TTC7B: variants seen among roughly 807,000 people sequenced by gnomAD.
The protein encoded by TTC7B is tetratricopeptide repeat protein 7B.
A neutral mutation model predicts 106.8 loss-of-function variants in TTC7B; 28 were observed. That is an observed-to-expected ratio of 0.26 (90% CI 0.19 to 0.36). TTC7B has a LOEUF of 0.36. Among genes scored for constraint, TTC7B ranks in the 10% least tolerant of loss-of-function variants. TTC7B has a pLI of 1.00. For missense variants in TTC7B, 862 were observed against 1,076.4 expected (o/e 0.80, Z 2.79); for synonymous variants, 405 against 430.6 (o/e 0.94, Z 0.74).
At chr14:90,639,905 C>T (rs1044325254) in intron 15 of TTC7B, among the ~76,000 whole-genome samples, 6 of 152,180 alleles carry the variant, frequency 3.9e-5, no homozygotes, top group African/African-American at 1.4e-4. Context: ...AAGCAATGAA[C>T]GCAAGCAGCA....
intron 9 of TTC7B, among the ~76,000 whole-genome samples, chr14:90,673,307 T>G (rs78216486): frequency 1.0e-3 from 158 of 152,370 alleles, no homozygotes; most frequent in Non-Finnish European, 1.8e-3. Flanking sequence ...GCACTTTTCT[T>G]TCCTTTTCCA....
intron 4 of TTC7B, among the ~76,000 whole-genome samples, chr14:90,733,769 C>T (rs939942170): frequency 6.6e-6 from 1 of 152,212 alleles, no homozygotes; most frequent in African/African-American, 2.4e-5. Flanking sequence ...TGACACTGCT[C>T]ACCCACCATT....
At chr14:90,796,186 G>A (rs949232655) in intron 1 of TTC7B, among the ~76,000 whole-genome samples, 6 of 152,176 alleles carry the variant, frequency 3.9e-5, no homozygotes, top group African/African-American at 2.4e-5. Context: ...GGATGGTTTT[G>A]AAGTCCCTCT....
intron 19 of TTC7B, among the ~76,000 whole-genome samples, chr14:90,544,619 C>T (rs1306297341): frequency 1.3e-5 from 2 of 152,186 alleles, no homozygotes; most frequent in South Asian, 2.1e-4. Context: ...CAGTAGGACG[C>T]GAGGCTGAAT....
intron 1 of TTC7B, among the ~76,000 whole-genome samples, chr14:90,801,858 C>A (rs538932083): frequency 2.0e-5 from 3 of 152,116 alleles, no homozygotes; most frequent in Non-Finnish European, 4.4e-5. Context: ...GTCAGGAGTT[C>A]GAGACCAGCC....
intron 17 of TTC7B, 148 bp downstream of exon 17, chr14:90,610,594 G>C: frequency 1.6e-6 from 1 of 644,890 alleles, no homozygotes; most frequent in Non-Finnish European, 2.8e-6. Flanking sequence ...AAAGACACTG[G>C]AGCAATGCAC....
At chr14:90,591,653 T>A (rs1891963104) in intron 18 of TTC7B, among the ~76,000 whole-genome samples, 1 of 152,180 alleles carries the variant, frequency 6.6e-6, no homozygotes, top group South Asian at 2.1e-4. Flanking sequence ...CTCCAGCTCT[T>A]CAGAAACCCA....
At chr14:90,716,440 G>A (rs549493582) in intron 5 of TTC7B, among the ~76,000 whole-genome samples, 25 of 152,176 alleles carry the variant, frequency 1.6e-4, no homozygotes, top group Non-Finnish European at 3.4e-4. Flanking sequence ...TCGAAGTGTG[G>A]CTAAAGTTTG....
At chr14:90,648,095 G>A (rs533828256) in intron 13 of TTC7B, among the ~76,000 whole-genome samples, 9 of 152,254 alleles carry the variant, frequency 5.9e-5, no homozygotes, top group African/African-American at 2.2e-4. Context: ...CCAGGTGTTT[G>A]CCATCCAGAA....
intron 17 of TTC7B, among the ~76,000 whole-genome samples, chr14:90,603,636 C>T (rs1892520212): frequency 6.6e-6 from 1 of 152,170 alleles, no homozygotes; most frequent in East Asian, 1.9e-4. Flanking sequence ...TGGGTCTTTC[C>T]ACACATTAAC....
chr14:90,589,696 G>T (rs1891872636), intron 18 of TTC7B, among the ~76,000 whole-genome samples: 1 of 152,122 alleles, frequency 6.6e-6, no homozygotes, highest in Non-Finnish European at 1.5e-5. Context: ...ACCACATAAG[G>T]TAAAACCCGA....
intron 1 of TTC7B, among the ~76,000 whole-genome samples, chr14:90,809,964 G>T (rs1335221779): frequency 6.6e-6 from 1 of 152,172 alleles, no homozygotes; most frequent in African/African-American, 2.4e-5. Context: ...TAGGTATTTT[G>T]GTTTTTTCTT....
intron 17 of TTC7B, among the ~76,000 whole-genome samples, chr14:90,595,038 T>C (rs1000008122): frequency 6.6e-6 from 1 of 152,142 alleles, no homozygotes; most frequent in Non-Finnish European, 1.5e-5. Flanking sequence ...GAGGCTGAGT[T>C]AAAAGAGTCT....
chr14:90,648,989 C>T (rs1885596870), intron 13 of TTC7B: 2 of 152,314 alleles, frequency 1.3e-5, no homozygotes, highest in Admixed American at 6.5e-5. Context: ...AACTGAAAAG[C>T]TGGCAATGAT....
chr14:90,789,148 C>A (rs557893906), intron 1 of TTC7B, among the ~76,000 whole-genome samples: 28 of 152,176 alleles, frequency 1.8e-4, no homozygotes, highest in Non-Finnish European at 8.8e-5. Flanking sequence ...GTCGCCCAGG[C>A]TGGAGTGCAA....
chr14:90,730,441 G>C (rs933238374), intron 4 of TTC7B, among the ~76,000 whole-genome samples: 9 of 152,192 alleles, frequency 5.9e-5, no homozygotes, highest in Non-Finnish European at 1.0e-4. Context: ...AGGAGTCGGG[G>C]GTGCTGATGA....
intron 3 of TTC7B, among the ~76,000 whole-genome samples, chr14:90,777,585 G>A (rs181203043): frequency 2.6e-5 from 4 of 152,198 alleles, no homozygotes; most frequent in Non-Finnish European, 5.9e-5. Flanking sequence ...GTGACAAAGT[G>A]TGCAGGTCAA....
chr14:90,741,881 T>C (rs1260406792), intron 4 of TTC7B, among the ~76,000 whole-genome samples: 1 of 152,114 alleles, frequency 6.6e-6, no homozygotes, highest in Non-Finnish European at 1.5e-5. Context: ...ATTGCTAATA[T>C]CTCAGCTTGC....
At chr14:90,591,602 C>T (rs1180570238) in intron 18 of TTC7B, among the ~76,000 whole-genome samples, 1 of 152,224 alleles carries the variant, frequency 6.6e-6, no homozygotes, top group African/African-American at 2.4e-5. Flanking sequence ...GGGCTAGTTC[C>T]ACCCTGGAGG....
Sources: gnomAD v4.1 joint callset for allele counts (sites outside exome capture counted in the v4.1 genomes callset) on GRCh38, gnomAD v4.1.1 for gene constraint, MANE v1.5 for transcripts, NCBI Gene and HGNC (gene_info 2026-07-23, HGNC 2026-07-21) for gene names.